Variants in CNNM2 observed in about 807,000 individuals in gnomAD.
CNNM2 encodes the protein cyclin and CBS domain divalent metal cation transport mediator 2.
In CNNM2, 12 loss-of-function variants were observed where a neutral mutation model predicts 66.9. That is an observed-to-expected ratio of 0.18 (90% CI 0.11 to 0.29). The LOEUF (loss-of-function observed/expected upper bound fraction) is 0.29, where lower values mean the gene tolerates loss of function less well. Among genes scored for constraint, CNNM2 ranks in the 10% least tolerant of loss-of-function variants. The probability of loss-of-function intolerance (pLI) is 1.00; values close to 1 mark genes in which losing one functional copy is unlikely to be tolerated. For synonymous variants in CNNM2, 557 were observed against 501.8 expected, an observed-to-expected ratio of 1.11 and a Z score of -1.47; for missense variants, 705 against 1,167.7, an observed-to-expected ratio of 0.60 and a Z score of 5.77.
intron 1 of CNNM2, among the ~76,000 whole-genome samples, chr10:102,989,900 G>T (rs965797261): frequency 2.0e-5 from 3 of 151,734 alleles, no homozygotes; most frequent in Non-Finnish European, 4.4e-5. Flanking sequence ...TGTACAAAAG[G>T]TATAATATAA....
Position 103,049,685 on chromosome 10 carries a change from A to C in CNNM2, c.1622-22A>C, listed in dbSNP as rs2065185060. 2.5e-6 allele frequency: 4 copies of C among 1,602,818 alleles called. No individual in the cohort carries two copies. Among genetic ancestry groups the C allele is most frequent in the Non-Finnish European group, 8.5e-7 (1 of 1,174,082 alleles). ...CAGAAAATTCAGAAAGTCACTTCCTAAACTTTTTCTTGTCTCTAAAGGTAA... is the reference window on the plus strand; with the variant it reads ...CAGAAAATTCAGAAAGTCACTTCCTCAACTTTTTCTTGTCTCTAAAGGTAA... On this transcript the variant is annotated intron_variant, in intron 1 of 7. Transcript: ENST00000369878.
chr10:103,061,283 C>T (rs2065382105), intron 4 of CNNM2, among the ~76,000 whole-genome samples: 1 of 152,106 alleles, frequency 6.6e-6, no homozygotes, highest in African/African-American at 2.4e-5. Context: ...GTCCCAGCTA[C>T]TCAGGAAGCT....
intron 1 of CNNM2, among the ~76,000 whole-genome samples, chr10:102,952,118 T>C (rs1223655213): frequency 6.6e-6 from 1 of 151,816 alleles, no homozygotes; most frequent in East Asian, 1.9e-4. Context: ...TTTAAATTTT[T>C]TGGGAGAGTC....
intron 1 of CNNM2, among the ~76,000 whole-genome samples, chr10:103,009,211 G>T (rs2064288411): frequency 6.6e-6 from 1 of 152,082 alleles, no homozygotes; most frequent in African/African-American, 2.4e-5. Context: ...GGAGGCGGAG[G>T]TTGTGCTGGG....
In CNNM2 at chr10:103,088,919, G is replaced by C; in HGVS notation, c.*11739G>C. ...GGCAGTTCTTCCCTTTCTTTTCTGG[G>C]GGCTTGTTCCTTTGTCCACTTGCAG... On this transcript the variant is annotated 3_prime_UTR_variant, in exon 8 of 8. Transcript: ENST00000369878. 4.7e-6 allele frequency: 1 copy of C among 212,710 alleles called. No homozygotes were observed. The highest frequency in any genetic ancestry group is 9.5e-6 in the Non-Finnish European group (1 of 105,138). The allele number at this position is 212,710 out of a possible 1,614,324, so 13.2% of individuals were successfully genotyped here. A position where few individuals can be genotyped will look rare whatever the true frequency, so the allele number is the denominator to read the frequency against.
At chr10:103,042,419 G>A (rs1172177221) in intron 1 of CNNM2, among the ~76,000 whole-genome samples, 1 of 152,094 alleles carries the variant, frequency 6.6e-6, no homozygotes, top group African/African-American at 2.4e-5. Context: ...CGCCCCTACT[G>A]TTATGTTCTC....
At chr10:102,925,686 G>GT (rs1297316990) in intron 1 of CNNM2, among the ~76,000 whole-genome samples, 1 of 152,152 alleles carries the variant, frequency 6.6e-6, no homozygotes, top group African/African-American at 2.4e-5. Context: ...AAAACAAATA[G>GT]TGAGTGTTAC....
At chr10:103,049,610 G>T in intron 1 of CNNM2, 97 bp from the exon 2 acceptor site, 1 of 1,106,220 alleles carries the variant, frequency 9.0e-7, no homozygotes, top group Non-Finnish European at 1.3e-6. Flanking sequence ...TTGATAATTC[G>T]ACATCTGTGT....
chr10:102,938,049 A>G (rs1325077503), intron 1 of CNNM2, among the ~76,000 whole-genome samples: 1 of 151,908 alleles, frequency 6.6e-6, no homozygotes, highest in Non-Finnish European at 1.5e-5. Context: ...CTATAATCCA[A>G]GCACTTTGGG....
chr10:103,084,765 CT>C lies in CNNM2; in HGVS notation c.*7586del, dbSNP rs2065787814. ...TGTGCTCCCTAGAGCCGTTTTTCAA[CT>C]CGGCACTTCTGAGGAAACAAATATT... On this transcript the variant is annotated 3_prime_UTR_variant, in exon 8 of 8. Coordinates refer to ENST00000369878, the MANE Select transcript of CNNM2 (RefSeq NM_017649.5). 1 of 152,008 alleles carries C rather than the reference CT, an allele frequency of 6.6e-6. No homozygotes were observed. The highest frequency in any genetic ancestry group is 2.1e-4 in the South Asian group (1 of 4,778). The allele number at this position is 152,008 out of a possible 1,614,324, so 9.4% of individuals were successfully genotyped here.
chr10:103,055,265 G>A (rs1383933844), intron 3 of CNNM2, among the ~76,000 whole-genome samples: 1 of 152,202 alleles, frequency 6.6e-6, no homozygotes, highest in Non-Finnish European at 1.5e-5. Context: ...CGGTGTCCCT[G>A]ATAGGCAGCC....
At chr10:102,957,835 T>C (rs984449230) in intron 1 of CNNM2, among the ~76,000 whole-genome samples, 2 of 152,256 alleles carry the variant, frequency 1.3e-5, no homozygotes, top group African/African-American at 2.4e-5. Context: ...TGTTTGCTTC[T>C]CTGGAATCCT....
chr10:103,064,620 G>C (rs889132796), intron 4 of CNNM2, among the ~76,000 whole-genome samples: 2 of 152,176 alleles, frequency 1.3e-5, no homozygotes, highest in African/African-American at 4.8e-5. Flanking sequence ...TGAGGAGGGA[G>C]GATCAGCCAG....
chr10:103,072,727 A>G (rs901425409), intron 6 of CNNM2, among the ~76,000 whole-genome samples: 12 of 152,250 alleles, frequency 7.9e-5, no homozygotes, highest in Admixed American at 2.0e-4. Context: ...CAATTTTCCT[A>G]TATTTATCTT....
intron 1 of CNNM2, among the ~76,000 whole-genome samples, chr10:102,966,306 G>T (rs2063463780): frequency 6.6e-6 from 1 of 152,178 alleles, no homozygotes; most frequent in African/African-American, 2.4e-5. Context: ...TAAAAGTTTA[G>T]ATTTTTGCCA....
intron 1 of CNNM2, among the ~76,000 whole-genome samples, chr10:103,038,937 G>A (rs1489776955): frequency 6.6e-6 from 1 of 151,706 alleles, no homozygotes; most frequent in Non-Finnish European, 1.5e-5. Context: ...TTTTATGGTG[G>A]GAAAATTCAA....
chr10:102,961,908 A>G (rs2063385289), intron 1 of CNNM2, among the ~76,000 whole-genome samples: 1 of 149,690 alleles, frequency 6.7e-6, no homozygotes, highest in Non-Finnish European at 1.5e-5. Flanking sequence ...AAAACATTAA[A>G]TTAAATATTA....
intron 5 of CNNM2, among the ~76,000 whole-genome samples, chr10:103,071,376 G>A (rs1199752326): frequency 6.6e-6 from 1 of 152,240 alleles, no homozygotes; most frequent in Non-Finnish European, 1.5e-5. Context: ...GCTGTGCAGT[G>A]AGTGAGTATT....
chr10:102,960,871 C>T (rs1389545655), intron 1 of CNNM2, among the ~76,000 whole-genome samples: 4 of 149,118 alleles, frequency 2.7e-5, no homozygotes, highest in East Asian at 3.9e-4. Context: ...CTACAACCTC[C>T]GCCTCCTGAG....
Sources: allele counts gnomAD v4.1 joint callset (sites outside exome capture counted in the v4.1 genomes callset), GRCh38; gene constraint gnomAD v4.1.1; transcripts MANE v1.5; gene names NCBI Gene and HGNC (gene_info 2026-07-23, HGNC 2026-07-21).